NIPA2: variants seen among roughly 807,000 people sequenced by gnomAD.
NIPA2 encodes magnesium transporter NIPA2.
In NIPA2, 11 loss-of-function variants were observed where a neutral mutation model predicts 29.7. The ratio of observed to expected loss-of-function variants is 0.37; its 90% confidence interval spans 0.23 to 0.61. The LOEUF (loss-of-function observed/expected upper bound fraction) is 0.61. Among genes scored for constraint, NIPA2 ranks in the 20% least tolerant of loss-of-function variants. The probability of loss-of-function intolerance (pLI) is 0.66; values close to 1 mark genes in which losing one functional copy is unlikely to be tolerated. For missense variants in NIPA2, 426 were observed against 437.9 expected (o/e 0.97, Z 0.24); for synonymous variants, 183 against 161.9 (o/e 1.13, Z -0.99).
intron 5 of NIPA2, among the ~76,000 whole-genome samples, chr15:22,856,224 A>C (rs543044182): frequency 4.6e-5 from 7 of 152,312 alleles, no homozygotes; most frequent in African/African-American, 1.4e-4. Context: ...GGAAGGGAAA[A>C]AATGGATGAA....
At position 22,866,933 on chromosome 15, in the gene NIPA2, AAATAATGTTC is replaced by A; in HGVS notation, c.*87_*96del. 7.8e-7 allele frequency: 1 copy of A among 1,275,586 alleles called. No homozygotes were observed. The highest frequency in any genetic ancestry group is 1.1e-6 in the Non-Finnish European group (1 of 930,756). 79.0% of individuals were successfully genotyped at this position (1,275,586 alleles called of 1,614,324 possible). On this transcript the variant is annotated 3_prime_UTR_variant, in exon 8 of 8. Coordinates refer to ENST00000337451, the MANE Select transcript of NIPA2 (RefSeq NM_030922.7). ...ATGTGTCTGAAAAAACATTGTCCTCAAATAATGTTCTTTAAAGGCAATCTTTTTAAAGATT... is the reference window on the plus strand; with the variant it reads ...ATGTGTCTGAAAAAACATTGTCCTCATTTAAAGGCAATCTTTTTAAAGATT...
rs1357513271 is a variant in NIPA2 at position 22,867,335 on chromosome 15, ATATT to A, written c.*493_*496del. 1 of 396,522 alleles carries A rather than the reference ATATT, an allele frequency of 2.5e-6. No individual in the cohort carries two copies. The highest frequency in any genetic ancestry group is 4.4e-6 in the Non-Finnish European group (1 of 225,046). 24.6% of individuals were successfully genotyped at this position (396,522 alleles called of 1,614,324 possible). On this transcript the variant is annotated 3_prime_UTR_variant, in exon 8 of 8. Coordinates refer to ENST00000337451, the MANE Select transcript of NIPA2 (RefSeq NM_030922.7). Reference sequence around the variant, plus strand: ...GATGATGATTGGTTTTATTTTTGAAATATTTATTAAGGGAAAACTAAGTTACTGA... The same window carrying A: ...GATGATGATTGGTTTTATTTTTGAAATATTAAGGGAAAACTAAGTTACTGA...
intron 6 of NIPA2, among the ~76,000 whole-genome samples, chr15:22,859,292 T>TTTC (rs2058444019): frequency 1.0e-4 from 1 of 9,766 alleles, no homozygotes; most frequent in South Asian, 7.4e-3. Context: ...TTCTTTTTCT[T>TTTC]TTTTTTTTTT....
intron 6 of NIPA2, 93 bp downstream of exon 6, chr15:22,858,723 A>G: frequency 1.3e-6 from 1 of 751,094 alleles, no homozygotes; most frequent in Non-Finnish European, 2.0e-6. Context: ...AACACAATTT[A>G]CATTTCAACA....
chr15:22,865,891 C>T (rs759262852), intron 7 of NIPA2, among the ~76,000 whole-genome samples: 15 of 152,058 alleles, frequency 9.9e-5, no homozygotes, highest in Non-Finnish European at 2.1e-4. Flanking sequence ...CTCATGGTTT[C>T]TCCTCCCTAG....
At chr15:22,855,905 G>T (rs897458033) in intron 5 of NIPA2, among the ~76,000 whole-genome samples, 27 of 152,262 alleles carry the variant, frequency 1.8e-4, no homozygotes, top group African/African-American at 6.5e-4. Flanking sequence ...CTCCCCTCCT[G>T]GTATTCACAC....
At chr15:22,863,286 G>A (rs1406545624) in intron 7 of NIPA2, among the ~76,000 whole-genome samples, 1 of 151,942 alleles carries the variant, frequency 6.6e-6, no homozygotes, top group Non-Finnish European at 1.5e-5. Flanking sequence ...GTTTTGTCAT[G>A]TTGGCTGGGC....
intron 6 of NIPA2, among the ~76,000 whole-genome samples, chr15:22,859,060 G>C (rs1291753314): frequency 6.6e-6 from 1 of 152,010 alleles, no homozygotes; most frequent in Non-Finnish European, 1.5e-5. Flanking sequence ...TGTAGTCCCA[G>C]CTACTCAGGA....
Position 22,868,114 on chromosome 15 carries a change from A to G in NIPA2, c.*1267A>G, listed in dbSNP as rs2059265349. The G allele has an allele frequency of 2.0e-5, 3 of 152,232 alleles. No homozygotes were observed. The South Asian group carries it at 6.2e-4, about 32-fold the overall frequency. The allele number at this position is 152,232 out of a possible 1,614,324, so 9.4% of individuals were successfully genotyped here. A position where few individuals can be genotyped will look rare whatever the true frequency, so the allele number is the denominator to read the frequency against. On this transcript the variant is annotated 3_prime_UTR_variant, in exon 8 of 8. Transcript: ENST00000337451. ...CACTCCCCGAGGGCCTCCCCTGCCA[A>G]TGGTGCTGGTATCCCATGCAGCTCA...
chr15:22,850,845 C>T (rs1333487411), intron 3 of NIPA2, among the ~76,000 whole-genome samples: 2 of 152,156 alleles, frequency 1.3e-5, no homozygotes, highest in Non-Finnish European at 2.9e-5. Flanking sequence ...CTAAAAATCC[C>T]AAGATGTGCT....
In NIPA2 at chr15:22,866,557, G is replaced by A. The variant is rs755055715; in HGVS notation, c.793G>A (p.Ala265Thr). 1 of 1,614,096 alleles carries A rather than the reference G, an allele frequency of 6.2e-7. No homozygotes were observed. Among genetic ancestry groups the A allele is most frequent in the South Asian group, 1.1e-5 (1 of 91,090 alleles). ...FFTTSVLTCS[A>T]ILFKEWQDMP... Reference sequence around the variant, plus strand: ...TACAACATCAGTTTTAACTTGTTCAGCTATTCTTTTTAAGGAGTGGCAAGA... The same window carrying A: ...TACAACATCAGTTTTAACTTGTTCAACTATTCTTTTTAAGGAGTGGCAAGA... The change falls in exon 8 of 8, where the codon GCT becomes ACT. Residue 265 changes from alanine (A) to threonine (T), a missense_variant. Around this residue, in one of 3 missense-constraint regions of NIPA2, gnomAD observed 357 missense variants for 339.8 expected, o/e 1.05. Transcript: ENST00000337451.
chr15:22,855,930 C>T (rs1049291786), intron 5 of NIPA2, among the ~76,000 whole-genome samples: 1 of 152,186 alleles, frequency 6.6e-6, no homozygotes, highest in African/African-American at 2.4e-5. Context: ...CTCTAATCCC[C>T]TTTCACAGTG....
chr15:22,850,883 A>G (rs1387065551), intron 3 of NIPA2, among the ~76,000 whole-genome samples: 2 of 152,242 alleles, frequency 1.3e-5, no homozygotes, highest in Non-Finnish European at 2.9e-5. Context: ...GTTAGAACCA[A>G]TCATAAACCT....
At chr15:22,851,082 A>G (rs757154243) in intron 3 of NIPA2, among the ~76,000 whole-genome samples, 1 of 152,146 alleles carries the variant, frequency 6.6e-6, no homozygotes, top group Non-Finnish European at 1.5e-5. Flanking sequence ...CCGGTACCAT[A>G]CTGCACGCCC....
rs572387131 is a variant in NIPA2, at chr15:22,851,617, C to T, written c.-93-22C>T. 2.6e-5 allele frequency: 21 copies of T among 808,550 alleles called. No homozygotes were observed. The Admixed American group carries it at 4.5e-4, about 17-fold the overall frequency. The allele number at this position is 808,550 out of a possible 1,614,324, so 50.1% of individuals were successfully genotyped here. ...TGTCATGAGCATTCTGTGAAAACCA[C>T]ATTTCATTTTTTATTGTTTAGGTTT... On this transcript the variant is annotated intron_variant, in intron 3 of 7. Transcript: ENST00000337451.
At position 22,862,049 on chromosome 15, in the gene NIPA2, C is replaced by CTCT. The variant is rs1555387456; in HGVS notation, c.448+1261_448+1262insCTT. On this transcript the variant is annotated intron_variant, in intron 7 of 7. Coordinates refer to ENST00000337451, the MANE Select transcript of NIPA2 (RefSeq NM_030922.7). ...ACCATGCCTCGCCTGATGGGTCTCT[C>CTCT]TTTTTTTTTTTTTTTGAGACAGAGT... is the stretch of plus-strand genomic sequence containing the variant. Among the ~76,000 whole-genome samples the CTCT allele has an allele frequency of 9.6e-5, 10 of 103,978 alleles. 1 individual carries two copies. Among genetic ancestry groups the CTCT allele is most frequent in the South Asian group, 3.6e-4 (1 of 2,774 alleles). The allele number at this position is 103,978 out of a possible 152,430, so 68.2% of individuals were successfully genotyped here.
Position 22,851,306 on chromosome 15 carries a change from C to T in NIPA2, c.-93-333C>T, listed in dbSNP as rs1439756192. 2.0e-5 allele frequency among the ~76,000 whole-genome samples: 3 copies of T among 152,136 alleles called. No homozygotes were observed. The East Asian group carries it at 5.8e-4, about 29-fold the overall frequency. On this transcript the variant is annotated intron_variant, in intron 3 of 7. Coordinates refer to ENST00000337451, the MANE Select transcript of NIPA2 (RefSeq NM_030922.7). ...TTTGAGAACCTGATAAATGTATTTC[C>T]AAACTAGATTTGTATATTATGCCTA...
chr15:22,846,904 T>TTG, intron 3 of NIPA2, among the ~76,000 whole-genome samples: 1 of 147,010 alleles, frequency 6.8e-6, no homozygotes, highest in South Asian at 2.1e-4. Flanking sequence ...TTGTTGTTGT[T>TTG]TTTTTTTTGT....
Position 22,867,246 on chromosome 15 carries a change from CAG to C in NIPA2, c.*402_*403del, listed in dbSNP as rs552579436. On this transcript the variant is annotated 3_prime_UTR_variant, in exon 8 of 8. Transcript: ENST00000337451. The stretch of plus-strand genomic sequence containing the variant: ...GTAAGGCTTTTTTATTTTAAAAAAA[CAG>C]AGTTATCCCAATACATTATCCTGTG... The C allele has an allele frequency of 5.0e-5, 20 of 403,986 alleles. No individual in the cohort carries two copies. The highest frequency in any genetic ancestry group is 8.5e-5 in the Admixed American group (2 of 23,534). 25.0% of individuals were successfully genotyped at this position (403,986 alleles called of 1,614,324 possible). A position where few individuals can be genotyped will look rare whatever the true frequency, so the allele number is the denominator to read the frequency against.
Sources: allele counts gnomAD v4.1 joint callset (sites outside exome capture counted in the v4.1 genomes callset), GRCh38; gene constraint gnomAD v4.1.1; regional missense constraint gnomAD v4.1.1; transcripts MANE v1.5; gene names NCBI Gene and HGNC (gene_info 2026-07-23, HGNC 2026-07-21).